Variants in DDX4 observed in about 807,000 individuals in gnomAD.
DDX4 encodes the protein probable ATP-dependent RNA helicase DDX4.
A neutral mutation model predicts 100.0 loss-of-function variants in DDX4; 25 were observed. The ratio of observed to expected loss-of-function variants is 0.25; its 90% CI spans 0.18 to 0.35. DDX4 has a LOEUF of 0.35. Among genes scored for constraint, DDX4 ranks in the 10% least tolerant of loss-of-function variants. The pLI, the probability that DDX4 is intolerant of heterozygous loss-of-function variation, is 1.00. For missense variants in DDX4, 635 were observed against 882.4 expected (o/e 0.72, Z 3.55); for synonymous variants, 259 against 275.7 (o/e 0.94, Z 0.60).
chr5:55,810,103 T>C (rs924114180), intron 18 of DDX4, among the ~76,000 whole-genome samples: 6 of 149,880 alleles, frequency 4.0e-5, no homozygotes, highest in Non-Finnish European at 8.9e-5. Context: ...GTGCTTCATA[T>C]TTTTTTTTTC....
intron 2 of DDX4, among the ~76,000 whole-genome samples, chr5:55,744,288 A>G (rs931468626): frequency 6.6e-6 from 1 of 152,186 alleles, no homozygotes. Flanking sequence ...TTGAAGGAAC[A>G]TTGTAACTGT....
chr5:55,796,451 C>G (rs1011258898), intron 17 of DDX4, among the ~76,000 whole-genome samples: 1 of 152,232 alleles, frequency 6.6e-6, no homozygotes, highest in Admixed American at 6.5e-5. Flanking sequence ...TAACCTGTCT[C>G]CCTGCTTCTA....
chr5:55,773,150 T>C (rs1409874779), intron 7 of DDX4: 2 of 152,700 alleles, frequency 1.3e-5, no homozygotes, highest in Non-Finnish European at 1.5e-5. Flanking sequence ...GCCCATTTCC[T>C]GGTTCATAGA....
At chr5:55,742,114 C>G in intron 2 of DDX4, 1 of 454,766 alleles carries the variant, frequency 2.2e-6, no homozygotes, top group Non-Finnish European at 4.4e-6. Flanking sequence ...AGTGTACCAC[C>G]TGGGAATAGA....
At chr5:55,744,063 A>G (rs1759125837) in intron 2 of DDX4, among the ~76,000 whole-genome samples, 2 of 152,096 alleles carry the variant, frequency 1.3e-5, no homozygotes, top group East Asian at 1.9e-4. Context: ...TTTTTACTGT[A>G]GCAATTACCA....
In DDX4 at chr5:55,787,810, G is replaced by C. The variant is rs1232096912; in HGVS notation, c.1018-36G>C. On this transcript the variant is annotated intron_variant, in intron 14 of 21. Transcript: ENST00000505374. ...CTTTCCATAGGGATAAAAGTGTTGT[G>C]CTATAAGTTTGTAAACTAAGCAACT... 6 of 1,604,160 alleles carry C rather than the reference G, an allele frequency of 3.7e-6. No individual in the cohort carries two copies. In the African/African-American group the frequency reaches 6.7e-5, roughly 18 times the overall value.
At chr5:55,806,127 A>G (rs2112151069) in intron 18 of DDX4, among the ~76,000 whole-genome samples, 1 of 152,314 alleles carries the variant, frequency 6.6e-6, no homozygotes, top group South Asian at 2.1e-4. Context: ...TGTTTGTAGC[A>G]TTCTCTGATG....
Position 55,781,921 on chromosome 5 carries a change from C to T in DDX4, c.578-13C>T, listed in dbSNP as rs750757636. ...TGTTTTATCTAAATATGTTGTGAAA[C>T]AATGCCTTACAGGTAATGGTGATAC... On this transcript the variant is annotated splice_polypyrimidine_tract_variant and intron_variant, in intron 9 of 21. Transcript: ENST00000505374. 2 of 1,613,642 alleles carry T rather than the reference C, an allele frequency of 1.2e-6. No individual in the cohort carries two copies. Among genetic ancestry groups the T allele is most frequent in the East Asian group, 4.5e-5 (2 of 44,848 alleles).
chr5:55,770,406 G>C (rs1741185554), intron 7 of DDX4, among the ~76,000 whole-genome samples: 1 of 152,100 alleles, frequency 6.6e-6, no homozygotes, highest in African/African-American at 2.4e-5. Context: ...TGGTAATTCA[G>C]CTTCTATTGA....
chr5:55,759,723 T>C (rs557827520), intron 3 of DDX4, among the ~76,000 whole-genome samples: 40 of 152,326 alleles, frequency 2.6e-4, no homozygotes, highest in African/African-American at 9.4e-4. Context: ...AACCATGTGA[T>C]TATATCCAGA....
At chr5:55,806,769 T>C (rs2112155171) in intron 18 of DDX4, among the ~76,000 whole-genome samples, 1 of 152,278 alleles carries the variant, frequency 6.6e-6, no homozygotes, top group Non-Finnish European at 1.5e-5. Context: ...TTGGAATAAG[T>C]GCGGTGTGGT....
At chr5:55,807,349 A>T (rs1743799401) in intron 18 of DDX4, among the ~76,000 whole-genome samples, 1 of 152,024 alleles carries the variant, frequency 6.6e-6, no homozygotes, top group African/African-American at 2.4e-5. Flanking sequence ...TTATGTGTGA[A>T]TTTGATCCTG....
Position 55,804,866 on chromosome 5 carries a change from A to G in DDX4, c.1615+6295A>G, listed in dbSNP as rs973232830. ...TTTTTCCAATTCTGTGAAGAAAGGC[A>G]TTGGTAGCTTGATGGGGATGGCATT... On this transcript the variant is annotated intron_variant, in intron 18 of 21. Transcript: ENST00000505374. Among the ~76,000 whole-genome samples the G allele has an allele frequency of 3.3e-5, 5 of 152,062 alleles. 1 individual carries two copies. Among genetic ancestry groups the G allele is most frequent in the South Asian group, 4.2e-4 (2 of 4,806 alleles).
intron 18 of DDX4, among the ~76,000 whole-genome samples, chr5:55,800,056 G>GT (rs1475768468): frequency 6.6e-6 from 1 of 152,126 alleles, no homozygotes; most frequent in Non-Finnish European, 1.5e-5. Flanking sequence ...TTCATCAAAT[G>GT]TTTCATAATA....
rs934588636 is a variant in DDX4 at position 55,816,504 on chromosome 5, A to C, written c.2139A>C (p.Gln713His). The stretch of plus-strand genomic sequence containing the variant: ...ACACAGCTGGGTTTTCTTCTTCACA[A>C]GCTCCCAATCCAGTAGATGATGAGT... Reference protein sequence around the residue: ...TLNTAGFSSSQAPNPVDDESW... With the variant: ...TLNTAGFSSSHAPNPVDDESW... Residue 713 changes from glutamine to histidine, a missense_variant, in exon 22 of 22, where the codon CAA (glutamine) becomes CAC (histidine). Gln to His is a conservative substitution (Grantham distance 24). Transcript: ENST00000505374. 5 of 1,613,056 alleles carry C rather than the reference A, an allele frequency of 3.1e-6. No individual in the cohort carries two copies. The South Asian group carries it at 5.5e-5, about 18-fold the overall frequency.
intron 10 of DDX4, among the ~76,000 whole-genome samples, chr5:55,782,947 A>G (rs1239427614): frequency 1.3e-5 from 2 of 151,476 alleles, no homozygotes; most frequent in East Asian, 2.0e-4. Flanking sequence ...GGCACCTGCC[A>G]CCACACCTGG....
intron 3 of DDX4, among the ~76,000 whole-genome samples, chr5:55,750,786 T>G (rs1189927361): frequency 6.6e-6 from 1 of 152,194 alleles, no homozygotes; most frequent in Non-Finnish European, 1.5e-5. Flanking sequence ...ACTTAGAATT[T>G]TTTTTTTACT....
At chr5:55,796,894 T>C (rs901158062) in intron 17 of DDX4, among the ~76,000 whole-genome samples, 1 of 137,116 alleles carries the variant, frequency 7.3e-6, no homozygotes, top group Admixed American at 7.8e-5. Context: ...CAGGCTGAAG[T>C]TCAGAGGCAC....
intron 15 of DDX4, among the ~76,000 whole-genome samples, chr5:55,789,212 C>A (rs1742410194): frequency 6.6e-6 from 1 of 151,990 alleles, no homozygotes; most frequent in South Asian, 2.1e-4. Flanking sequence ...TTCAGTATAC[C>A]CTTTGCCAAC....
Sources: gnomAD v4.1 joint callset for allele counts (sites outside exome capture counted in the v4.1 genomes callset) on GRCh38, gnomAD v4.1.1 for gene constraint, MANE v1.5 for transcripts, NCBI Gene and HGNC (gene_info 2026-07-23, HGNC 2026-07-21) for gene names.